The following CACNA2D2 variants were observed in gnomAD, a reference collection of about 807,000 sequenced individuals.
CACNA2D2 encodes voltage-dependent calcium channel subunit alpha-2/delta-2.
In CACNA2D2, 48 loss-of-function variants were observed where a neutral mutation model predicts 166.4. The observed-to-expected ratio is 0.29, with a 90% CI of 0.23 to 0.37. The LOEUF is 0.37. Among genes scored for constraint, CACNA2D2 ranks in the 10% least tolerant of loss-of-function variants. CACNA2D2 has a pLI of 1.00. For missense variants in CACNA2D2, 1,122 were observed against 1,433.0 expected (o/e 0.78, Z 3.50); for synonymous variants, 561 against 573.7 (o/e 0.98, Z 0.32).
intron 2 of CACNA2D2, among the ~76,000 whole-genome samples, chr3:50,463,832 G>A (rs542266686): frequency 6.6e-6 from 1 of 152,374 alleles, no homozygotes; most frequent in African/African-American, 2.4e-5. Context: ...GAGCCCCTGA[G>A]TCCCAGGGAG....
intron 1 of CACNA2D2, among the ~76,000 whole-genome samples, chr3:50,494,731 A>G (rs905273454): frequency 1.3e-5 from 2 of 152,100 alleles, no homozygotes; most frequent in African/African-American, 4.8e-5. Flanking sequence ...CTGGAGTCCA[A>G]TGGCACCATC....
At chr3:50,369,263 C>T (rs373670783) in intron 23 of CACNA2D2, among the ~76,000 whole-genome samples, 1 of 152,228 alleles carries the variant, frequency 6.6e-6, no homozygotes, top group South Asian at 2.1e-4. Flanking sequence ...TTGTGAGGTA[C>T]TTCATTCACT....
At chr3:50,475,066 G>A (rs1710251002) in intron 2 of CACNA2D2, among the ~76,000 whole-genome samples, 1 of 152,146 alleles carries the variant, frequency 6.6e-6, no homozygotes, top group Non-Finnish European at 1.5e-5. Context: ...CCCAGCCTGT[G>A]CCAGAGGTCC....
In CACNA2D2 at chr3:50,384,250, T is replaced by C. The variant is rs756009510; in HGVS notation, c.598A>G (p.Lys200Glu). ...DFIEDPNFKN[K>E]VNYSYAAVQI... ...ACAGCCGCGTATGAATAGTTGACCT[T>C]GTTCTTGAAGTTTGGGTCCTCGATG... Residue 200 changes from lysine to glutamate, a missense_variant, in exon 6 of 38, where the codon AAG becomes GAG. This residue lies in a region of CACNA2D2 where 840 missense variants were observed against 1,166.8 expected (regional missense o/e 0.72). Coordinates refer to ENST00000424201, the MANE Select transcript of CACNA2D2 (RefSeq NM_006030.4). The C allele has an allele frequency of 6.2e-7, 1 of 1,614,174 alleles. No individual in the cohort carries two copies. The highest frequency in any genetic ancestry group is 1.1e-5 in the South Asian group (1 of 91,086).
rs1034506266 is a variant in CACNA2D2 at position 50,367,045 on chromosome 3, C to G, written c.2466G>C (p.Glu822Asp). The G allele has an allele frequency of 1.9e-6, 3 of 1,613,690 alleles. No homozygotes were observed. The African/African-American group carries it at 4.0e-5, about 22-fold the overall frequency. ...TCAGTGTGCGCCTGCCTAGGCTGAG[C>G]TCCACAGCTGTGCTGACGAGGATGC... ...TVGILVSTAV[E>D]LSLGRRTLRP... Residue 822 changes from glutamate to aspartate, a missense_variant, in exon 28 of 38, where the codon GAG becomes GAC. By Grantham distance (45) the Glu-to-Asp change is conservative. This residue lies in a region of CACNA2D2 where 840 missense variants were observed against 1,166.8 expected (regional missense o/e 0.72). Coordinates refer to ENST00000424201, the MANE Select transcript of CACNA2D2 (RefSeq NM_006030.4). This position sits in a 1 kb window ranked among gnomAD's most constrained non-coding sequence, Gnocchi z 6.5.
intron 22 of CACNA2D2, chr3:50,373,124 AAAC>A (rs1704748591): frequency 1.3e-6 from 2 of 1,531,362 alleles, no homozygotes; most frequent in African/African-American, 1.4e-5. Context: ...AGGAAAACAA[AAAC>A]AACACAAACA....
intron 1 of CACNA2D2, among the ~76,000 whole-genome samples, chr3:50,494,509 G>A (rs1300804561): frequency 6.6e-6 from 1 of 152,042 alleles, no homozygotes; most frequent in East Asian, 1.9e-4. Context: ...TTCCCAAGGG[G>A]ACCCAGAAAG....
chr3:50,384,258 A>C lies in CACNA2D2; in HGVS notation c.590T>G (p.Phe197Cys). Residue 197 changes from phenylalanine to cysteine, a missense_variant, in exon 6 of 38, where the codon TTC (phenylalanine) becomes TGC (cysteine). Phe to Cys is a radical substitution (Grantham distance 205, BLOSUM62 -2). Coordinates refer to ENST00000424201, the MANE Select transcript of CACNA2D2 (RefSeq NM_006030.4). ...LRLDFIEDPN[F>C]KNKVNYSYAA... ...GTATGAATAGTTGACCTTGTTCTTGAAGTTTGGGTCCTCGATGAAGTCCAG... is the reference window on the plus strand; with the variant it reads ...GTATGAATAGTTGACCTTGTTCTTGCAGTTTGGGTCCTCGATGAAGTCCAG... 1 of 1,614,126 alleles carries C rather than the reference A, an allele frequency of 6.2e-7. No homozygotes were observed. The highest frequency in any genetic ancestry group is 8.5e-7 in the Non-Finnish European group (1 of 1,180,016).
At chr3:50,434,505 G>A (rs149825670) in intron 2 of CACNA2D2, 76 bp from the exon 3 acceptor site, 11 of 1,027,500 alleles carry the variant, frequency 1.1e-5, no homozygotes, top group Non-Finnish European at 1.7e-5. Context: ...ATACCCCTCT[G>A]CACAGCTCAC....
intron 2 of CACNA2D2, among the ~76,000 whole-genome samples, chr3:50,437,181 C>A (rs1314559381): frequency 1.3e-5 from 2 of 152,196 alleles, no homozygotes; most frequent in African/African-American, 2.4e-5. Flanking sequence ...TCTTCCTGTT[C>A]TATTTCTACT....
At chr3:50,378,818 A>G (rs1187385459) in intron 13 of CACNA2D2, 97 bp downstream of exon 13, 1 of 1,425,690 alleles carries the variant, frequency 7.0e-7, no homozygotes, top group African/African-American at 1.4e-5. Flanking sequence ...GCAGCGGGTG[A>G]ACACACAGCT....
chr3:50,471,102 A>T (rs1710075351), intron 2 of CACNA2D2, among the ~76,000 whole-genome samples: 1 of 151,990 alleles, frequency 6.6e-6, no homozygotes, highest in Non-Finnish European at 1.5e-5. Flanking sequence ...CATCCCCATC[A>T]TCTACACCAG....
intron 1 of CACNA2D2, among the ~76,000 whole-genome samples, chr3:50,476,517 T>C (rs537746412): frequency 1.3e-5 from 2 of 152,300 alleles, no homozygotes; most frequent in East Asian, 3.9e-4. Context: ...GCCCTTGATG[T>C]AGCTGCTCTG....
intron 3 of CACNA2D2, among the ~76,000 whole-genome samples, chr3:50,408,680 G>A (rs773246363): frequency 2.4e-4 from 36 of 152,310 alleles, no homozygotes; most frequent in Non-Finnish European, 4.1e-4. Context: ...ACTGCCAGGC[G>A]CTAATGGCTT....
At position 50,483,904 on chromosome 3, in the gene CACNA2D2, G is replaced by A. The variant is rs1371206260; in HGVS notation, c.207-7705C>T. Among the ~76,000 whole-genome samples, 11 of 152,298 alleles carry A rather than the reference G, an allele frequency of 7.2e-5. No individual in the cohort carries two copies. In the East Asian group the frequency reaches 1.5e-3, roughly 21 times the overall value. On this transcript the variant is annotated intron_variant, in intron 1 of 37. Transcript: ENST00000424201. ...CAGATCACTATCCGCAATCCTCAGA[G>A]GGAAACCGAGGCACAGAGCAATTGA...
At chr3:50,384,164 G>A (rs1705467402) in intron 6 of CACNA2D2, 32 bp downstream of exon 6, 1 of 1,607,624 alleles carries the variant, frequency 6.2e-7, no homozygotes, top group African/African-American at 1.3e-5. Flanking sequence ...CAGCAGGTGG[G>A]ATGGGCTGTC....
intron 1 of CACNA2D2, among the ~76,000 whole-genome samples, chr3:50,483,266 G>C (rs1468847564): frequency 6.6e-6 from 1 of 152,174 alleles, no homozygotes; most frequent in African/African-American, 2.4e-5. Flanking sequence ...CCCACTCATT[G>C]CATGCACACA....
Position 50,365,262 on chromosome 3 carries a change from C to G in CACNA2D2, c.3099-78G>C, listed in dbSNP as rs1229721971. 8.3e-6 allele frequency: 13 copies of G among 1,565,192 alleles called. No individual in the cohort carries two copies. The highest frequency in any genetic ancestry group is 1.0e-5 in the Non-Finnish European group (12 of 1,156,734). ...CCCCATCCTGCGGCCCCGCCCCCGGCCGCTCGGAGGCCCCGCCCCTTCCAT... is the reference window on the plus strand; with the variant it reads ...CCCCATCCTGCGGCCCCGCCCCCGGGCGCTCGGAGGCCCCGCCCCTTCCAT... On this transcript the variant is annotated intron_variant, in intron 35 of 37. Coordinates refer to ENST00000424201, the MANE Select transcript of CACNA2D2 (RefSeq NM_006030.4). The surrounding 1 kb of genome is among the most constrained non-coding windows in gnomAD (Gnocchi z 4.5).
chr3:50,444,417 C>G (rs550083818), intron 2 of CACNA2D2, among the ~76,000 whole-genome samples: 4 of 152,226 alleles, frequency 2.6e-5, no homozygotes. Context: ...TGGTTTGGCT[C>G]GAGCCTTCAC....
Sources: gnomAD v4.1 joint callset for allele counts (sites outside exome capture counted in the v4.1 genomes callset) on GRCh38, gnomAD v4.1.1 for gene constraint, gnomAD v4.1.1 regional missense constraint, Gnocchi (gnomAD v3.1) non-coding constraint, MANE v1.5 for transcripts, NCBI Gene and HGNC (gene_info 2026-07-23, HGNC 2026-07-21) for gene names.